Variants in PCDHA8 observed in about 807,000 individuals in gnomAD.
The protein encoded by PCDHA8 is protocadherin alpha 8.
In PCDHA8, 53 loss-of-function variants were observed where a neutral mutation model predicts 61.8. That is an observed-to-expected ratio of 0.86 (90% CI 0.69 to 1.08). PCDHA8 has a LOEUF of 1.08. Among genes scored for constraint, PCDHA8 ranks in the 50% least tolerant of loss-of-function variants. The probability of loss-of-function intolerance (pLI) is 0.00; values close to 1 mark genes in which losing one functional copy is unlikely to be tolerated. For missense variants in PCDHA8, 1,293 were observed against 1,245.0 expected, an observed-to-expected ratio of 1.04 and a Z score of -0.58; for synonymous variants, 618 against 556.6, an observed-to-expected ratio of 1.11 and a Z score of -1.55.
At chr5:140,920,851 A>C (rs1370021063) in intron 1 of PCDHA8, among the ~76,000 whole-genome samples, 1 of 152,008 alleles carries the variant, frequency 6.6e-6, no homozygotes, top group Non-Finnish European at 1.5e-5. Flanking sequence ...TAAAAAAAAA[A>C]AAAAAAACAA....
chr5:140,940,425 G>T (rs2153645742), intron 1 of PCDHA8, among the ~76,000 whole-genome samples: 1 of 152,034 alleles, frequency 6.6e-6, no homozygotes, highest in African/African-American at 2.4e-5. Flanking sequence ...AATTATTACT[G>T]ATCAAGTCTG....
At chr5:140,905,910 A>G (rs2153491860) in intron 1 of PCDHA8, among the ~76,000 whole-genome samples, 1 of 152,334 alleles carries the variant, frequency 6.6e-6, no homozygotes, top group Admixed American at 6.5e-5. Context: ...GGAGCAAGGA[A>G]TCCAATCTGA....
At chr5:140,984,398 A>T (rs1377930175) in intron 3 of PCDHA8, among the ~76,000 whole-genome samples, 1 of 152,142 alleles carries the variant, frequency 6.6e-6, no homozygotes, top group Non-Finnish European at 1.5e-5. Flanking sequence ...AAATGTTGAG[A>T]ACCTATCTTT....
chr5:140,848,388 TC>T, intron 1 of PCDHA8: 1 of 1,225,380 alleles, frequency 8.2e-7, no homozygotes, highest in Non-Finnish European at 1.2e-6. Context: ...TTTCACTCTC[TC>T]TGTGCTGAAC....
intron 1 of PCDHA8, chr5:140,882,765 CGG>C: frequency 6.2e-7 from 1 of 1,614,222 alleles, no homozygotes; most frequent in Non-Finnish European, 8.5e-7. Flanking sequence ...GGAGTAAACT[CGG>C]CATTGACCTA....
In PCDHA8 at chr5:140,872,619, G is replaced by A. The variant is rs571473600; in HGVS notation, c.2394+28904G>A. On this transcript the variant is annotated intron_variant, in intron 1 of 3. Transcript: ENST00000531613. ...TCTGAAAAAATAATTTTTTTTGCCT[G>A]TTCTTGATTTTGTTCCATGAAAAGG... Among the ~76,000 whole-genome samples, 128 of 152,108 alleles carry A rather than the reference G, an allele frequency of 8.4e-4. 1 individual carries two copies. The highest frequency in any genetic ancestry group is 3.4e-3 in the Middle Eastern group (1 of 294).
chr5:140,861,492 C>T (rs367687867), intron 1 of PCDHA8: 11 of 487,014 alleles, frequency 2.3e-5, no homozygotes, highest in Middle Eastern at 7.2e-4. Flanking sequence ...TGTGAGTTCT[C>T]TGATAGACCT....
At chr5:140,922,289 G>C (rs1554200767) in intron 1 of PCDHA8, among the ~76,000 whole-genome samples, 1 of 152,222 alleles carries the variant, frequency 6.6e-6, no homozygotes, top group Non-Finnish European at 1.5e-5. Flanking sequence ...ATATGAAAAT[G>C]CTAGGAGAGG....
Position 140,996,044 on chromosome 5 carries a change from A to G in PCDHA8, c.2542+13481A>G, listed in dbSNP as rs569475149. Among the ~76,000 whole-genome samples, 13 of 152,366 alleles carry G rather than the reference A, an allele frequency of 8.5e-5. No homozygotes were observed. The South Asian group carries it at 1.9e-3, about 22-fold the overall frequency. Reference sequence around the variant, plus strand: ...GTTTAATGCTCCTAGCACTTAACACAGTGCTTGGCACACAGTAAAGAGGAT... The same window carrying G: ...GTTTAATGCTCCTAGCACTTAACACGGTGCTTGGCACACAGTAAAGAGGAT... On this transcript the variant is annotated intron_variant, in intron 3 of 3. Coordinates refer to ENST00000531613, the MANE Select transcript of PCDHA8 (RefSeq NM_018911.3).
intron 1 of PCDHA8, chr5:140,884,248 G>A: frequency 1.2e-6 from 2 of 1,613,458 alleles, no homozygotes; most frequent in Non-Finnish European, 1.7e-6. Flanking sequence ...CCGCGCTGAC[G>A]GCCACGGCAA....
intron 1 of PCDHA8, among the ~76,000 whole-genome samples, chr5:140,942,962 A>G (rs2153660638): frequency 6.6e-6 from 1 of 152,216 alleles, no homozygotes; most frequent in South Asian, 2.1e-4. Flanking sequence ...CTGTTATCAG[A>G]ATTAAATTTT....
chr5:140,845,374 TAGG>T (rs1779845907), intron 1 of PCDHA8, among the ~76,000 whole-genome samples: 1 of 149,664 alleles, frequency 6.7e-6, no homozygotes, highest in South Asian at 2.1e-4. Flanking sequence ...ATATCATAAA[TAGG>T]AGGATTCTTT....
chr5:140,980,427 C>T (rs551274468), intron 2 of PCDHA8, among the ~76,000 whole-genome samples: 2 of 152,198 alleles, frequency 1.3e-5, no homozygotes, highest in South Asian at 2.1e-4. Flanking sequence ...GTCAAGAGAT[C>T]GAGACCATCC....
At position 140,843,174 on chromosome 5, in the gene PCDHA8, C is replaced by G. The variant is rs2150354431; in HGVS notation, c.1853C>G (p.Pro618Arg). ...SYELQPAASS[P>R]RIPFRVGLYT... ...GAGCTGCAGCCAGCTGCAAGCAGCC[C>G]TCGCATCCCGTTCCGCGTGGGGCTG... Residue 618 changes from proline (P) to arginine (R), a missense_variant, in exon 1 of 4, where the codon CCT becomes CGT. Physicochemically the swap from Pro to Arg is moderately radical, Grantham distance 103. Coordinates refer to ENST00000531613, the MANE Select transcript of PCDHA8 (RefSeq NM_018911.3). 17 of 1,596,086 alleles carry G rather than the reference C, an allele frequency of 1.1e-5. No homozygotes were observed. Among genetic ancestry groups the G allele is most frequent in the African/African-American group, 9.4e-5 (7 of 74,578 alleles).
chr5:140,958,084 T>C (rs2095408627), intron 1 of PCDHA8, among the ~76,000 whole-genome samples: 1 of 152,110 alleles, frequency 6.6e-6, no homozygotes, highest in African/African-American at 2.4e-5. Flanking sequence ...AAAAGTAAAG[T>C]TGTACAATAG....
At chr5:140,876,625 G>A (rs2056468121) in intron 1 of PCDHA8, 1 of 1,614,192 alleles carries the variant, frequency 6.2e-7, no homozygotes. Context: ...CAATGGACAG[G>A]TCATCTGCTC....
intron 3 of PCDHA8, among the ~76,000 whole-genome samples, chr5:141,004,084 T>C (rs2098151963): frequency 6.6e-6 from 1 of 152,234 alleles, no homozygotes; most frequent in Non-Finnish European, 1.5e-5. Context: ...GGTAGAAATG[T>C]GCTTCTTCCG....
intron 1 of PCDHA8, chr5:140,849,617 G>C (rs2150442549): frequency 6.3e-7 from 1 of 1,598,746 alleles, no homozygotes; most frequent in Non-Finnish European, 8.6e-7. Context: ...TGATTAGTGT[G>C]ATCGACCTAG....
intron 1 of PCDHA8, among the ~76,000 whole-genome samples, chr5:140,955,954 T>C (rs782364189): frequency 2.0e-5 from 3 of 152,184 alleles, no homozygotes; most frequent in Non-Finnish European, 2.9e-5. Context: ...TACTTGCTTG[T>C]TGTTTGTGCA....
Sources: allele counts gnomAD v4.1 joint callset (sites outside exome capture counted in the v4.1 genomes callset), GRCh38; gene constraint gnomAD v4.1.1; transcripts MANE v1.5; gene names NCBI Gene and HGNC (gene_info 2026-07-23, HGNC 2026-07-21).